GALNT1: variants seen among roughly 807,000 people sequenced by gnomAD.
The protein encoded by GALNT1 is polypeptide N-acetylgalactosaminyltransferase 1.
In GALNT1, 17 loss-of-function variants were observed where a neutral mutation model predicts 65.7. The ratio of observed to expected loss-of-function variants is 0.26; its 90% CI spans 0.18 to 0.39. GALNT1 has a LOEUF of 0.39. Ranked by LOEUF, GALNT1 falls within the 10% of genes least tolerant of loss-of-function variation. GALNT1 has a pLI of 1.00. For missense variants in GALNT1, 460 were observed against 672.8 expected (o/e 0.68, Z 3.50); for synonymous variants, 210 against 219.7 (o/e 0.96, Z 0.39).
At chr18:35,638,251 G>A (rs1342828355) in intron 1 of GALNT1, among the ~76,000 whole-genome samples, 1 of 152,166 alleles carries the variant, frequency 6.6e-6, no homozygotes, top group African/African-American at 2.4e-5. Flanking sequence ...ACCAAGCGAT[G>A]GATGAACGGA....
chr18:35,695,856 C>CT (rs1795268306), intron 9 of GALNT1, among the ~76,000 whole-genome samples: 1 of 152,280 alleles, frequency 6.6e-6, no homozygotes, highest in Middle Eastern at 3.4e-3. Flanking sequence ...CTAGCAGTCA[C>CT]TCTGCAGCTT....
At chr18:35,646,752 T>G (rs2047236790) in intron 1 of GALNT1, among the ~76,000 whole-genome samples, 1 of 152,226 alleles carries the variant, frequency 6.6e-6, no homozygotes, top group African/African-American at 2.4e-5. Context: ...TCTTTTAGTC[T>G]GTCTGCCCTA....
At chr18:35,708,616 C>T (rs534880872) in intron 11 of GALNT1, among the ~76,000 whole-genome samples, 4 of 152,280 alleles carry the variant, frequency 2.6e-5, no homozygotes, top group Admixed American at 2.0e-4. Flanking sequence ...TAGAGTAATG[C>T]TTAATGCACA....
chr18:35,691,939 C>G (rs2047970361), intron 8 of GALNT1, among the ~76,000 whole-genome samples: 1 of 152,150 alleles, frequency 6.6e-6, no homozygotes, highest in African/African-American at 2.4e-5. Flanking sequence ...GTTTACTGAT[C>G]CCATATCACT....
chr18:35,587,308 T>C (rs937115600), intron 1 of GALNT1, among the ~76,000 whole-genome samples: 6 of 152,230 alleles, frequency 3.9e-5, no homozygotes, highest in Admixed American at 3.9e-4. Flanking sequence ...AGGAACAATT[T>C]TATTCTTTTC....
chr18:35,636,793 T>TG (rs1568020891), intron 1 of GALNT1, among the ~76,000 whole-genome samples: 1 of 146,742 alleles, frequency 6.8e-6, no homozygotes, highest in South Asian at 2.2e-4. Context: ...GTTTTTTTTT[T>TG]TTTTTTTTTT....
chr18:35,682,155 A>ATAAC (rs2047796322), intron 4 of GALNT1, among the ~76,000 whole-genome samples: 1 of 152,128 alleles, frequency 6.6e-6, no homozygotes, highest in Non-Finnish European at 1.5e-5. Flanking sequence ...TATCTTTCAG[A>ATAAC]TAACTTTTTA....
At chr18:35,702,128 T>C (rs2048175254) in intron 9 of GALNT1, among the ~76,000 whole-genome samples, 1 of 152,214 alleles carries the variant, frequency 6.6e-6, no homozygotes, top group African/African-American at 2.4e-5. Context: ...TATATGTGTT[T>C]ATAGAAGTAA....
At chr18:35,641,178 C>T (rs921167434) in intron 1 of GALNT1, among the ~76,000 whole-genome samples, 5 of 152,154 alleles carry the variant, frequency 3.3e-5, no homozygotes, top group Admixed American at 6.5e-5. Context: ...GGGATGGTGG[C>T]TCATACCTGT....
At chr18:35,686,881 G>A (rs2047876531) in intron 5 of GALNT1, 135 bp from the exon 6 acceptor site, 2 of 732,864 alleles carry the variant, frequency 2.7e-6, no homozygotes, top group East Asian at 5.9e-5. Context: ...TTCCAGCCTG[G>A]GTGGTGACAG....
At chr18:35,582,380 A>T (rs1475050774) in intron 1 of GALNT1, among the ~76,000 whole-genome samples, 11 of 152,186 alleles carry the variant, frequency 7.2e-5, no homozygotes, top group Non-Finnish European at 1.3e-4. Context: ...TTCCTGGAAG[A>T]ATGAATGAAT....
chr18:35,704,074 T>C (rs1341185015), intron 11 of GALNT1, among the ~76,000 whole-genome samples: 1 of 152,196 alleles, frequency 6.6e-6, no homozygotes, highest in East Asian at 1.9e-4. Context: ...TTATCTTTCC[T>C]TTTGTCTGGA....
At chr18:35,700,663 A>T (rs1177560354) in intron 9 of GALNT1, among the ~76,000 whole-genome samples, 1 of 152,194 alleles carries the variant, frequency 6.6e-6, no homozygotes, top group African/African-American at 2.4e-5. Flanking sequence ...TCTCTTACAA[A>T]ATAGAGGCAG....
intron 1 of GALNT1, among the ~76,000 whole-genome samples, chr18:35,620,587 G>A (rs987437063): frequency 1.3e-5 from 2 of 152,062 alleles, no homozygotes; most frequent in Non-Finnish European, 2.9e-5. Flanking sequence ...CAGTGTTTGT[G>A]TCCATAAGCA....
At chr18:35,642,132 T>G (rs2047171778) in intron 1 of GALNT1, among the ~76,000 whole-genome samples, 1 of 152,230 alleles carries the variant, frequency 6.6e-6, no homozygotes, top group East Asian at 1.9e-4. Context: ...ACCTCTTCTC[T>G]AAATAAATAC....
intron 1 of GALNT1, among the ~76,000 whole-genome samples, chr18:35,623,487 T>G (rs1598786565): frequency 2.0e-5 from 3 of 152,102 alleles, no homozygotes. Context: ...TTTTCAGGGG[T>G]TTTTTTCATG....
chr18:35,666,012 A>G (rs552584996), intron 3 of GALNT1, among the ~76,000 whole-genome samples: 9 of 152,316 alleles, frequency 5.9e-5, no homozygotes, highest in Non-Finnish European at 1.5e-5. Flanking sequence ...AGAGGCGACC[A>G]GCCCAGATGG....
At chr18:35,620,383 C>T (rs1293091315) in intron 1 of GALNT1, among the ~76,000 whole-genome samples, 1 of 152,136 alleles carries the variant, frequency 6.6e-6, no homozygotes. Context: ...TAAATTGCCA[C>T]TTTTAGTAAT....
intron 1 of GALNT1, chr18:35,596,979 A>G (rs1049738670): frequency 6.6e-6 from 1 of 152,218 alleles, no homozygotes; most frequent in Non-Finnish European, 1.5e-5. Flanking sequence ...GCAGGAGTTA[A>G]TTTATTGGAA....
Sources: allele counts gnomAD v4.1 joint callset (sites outside exome capture counted in the v4.1 genomes callset), GRCh38; gene constraint gnomAD v4.1.1; transcripts MANE v1.5; gene names NCBI Gene and HGNC (gene_info 2026-07-23, HGNC 2026-07-21).